The following SESN1 variants were observed in gnomAD, a reference collection of about 807,000 sequenced individuals.
The protein encoded by SESN1 is sestrin-1.
Under a neutral mutation model 59.3 loss-of-function variants are expected in SESN1, and 30 were observed. That is an observed-to-expected ratio of 0.51 (90% CI 0.38 to 0.69). SESN1 has a LOEUF of 0.69. Ranked by LOEUF, SESN1 falls within the 30% of genes least tolerant of loss-of-function variation. SESN1 has a pLI of 0.00. For missense variants in SESN1, 566 were observed against 673.0 expected (o/e 0.84, Z 1.76); for synonymous variants, 197 against 219.9 (o/e 0.90, Z 0.92).
chr6:109,054,099 C>T (rs1780590553), intron 1 of SESN1, among the ~76,000 whole-genome samples: 1 of 151,750 alleles, frequency 6.6e-6, no homozygotes. Flanking sequence ...GGGGAGGGAT[C>T]TGGGAAAAAT....
In SESN1 at chr6:109,029,124, T is replaced by C. The variant is rs1413661625; in HGVS notation, c.280-26781A>G. Reference sequence around the variant, plus strand: ...AAGGAAATTATTTACTGTGGAAGATTTGCAATAATGTAAGCAGTAAATGGA... The same window carrying C: ...AAGGAAATTATTTACTGTGGAAGATCTGCAATAATGTAAGCAGTAAATGGA... On this transcript the variant is annotated intron_variant, in intron 1 of 9. Coordinates refer to ENST00000436639, the MANE Select transcript of SESN1 (RefSeq NM_014454.3). 2.0e-5 allele frequency among the ~76,000 whole-genome samples: 3 copies of C among 152,190 alleles called. No individual in the cohort carries two copies. The East Asian group carries it at 5.8e-4, about 29-fold the overall frequency.
chr6:109,070,807 G>T (rs189570930), intron 1 of SESN1, among the ~76,000 whole-genome samples: 14 of 152,138 alleles, frequency 9.2e-5, no homozygotes, highest in Non-Finnish European at 2.1e-4. Flanking sequence ...AACCATTTGG[G>T]GATTCAAGTC....
intron 1 of SESN1, among the ~76,000 whole-genome samples, chr6:109,073,173 A>C (rs1439730971): frequency 1.3e-5 from 2 of 152,088 alleles, no homozygotes; most frequent in African/African-American, 4.8e-5. Flanking sequence ...CCTCCTATTA[A>C]ATGGGTGAAT....
intron 8 of SESN1, among the ~76,000 whole-genome samples, chr6:108,990,073 A>G (rs942090513): frequency 6.6e-6 from 1 of 152,240 alleles, no homozygotes; most frequent in African/African-American, 2.4e-5. Context: ...CAGCAAAAAT[A>G]GTTAACTAGT....
At chr6:109,072,637 A>G (rs1780957887) in intron 1 of SESN1, among the ~76,000 whole-genome samples, 1 of 152,224 alleles carries the variant, frequency 6.6e-6, no homozygotes, top group African/African-American at 2.4e-5. Flanking sequence ...CAATGGAGAG[A>G]GCAGGCAAGT....
Position 108,990,744 on chromosome 6 carries a change from TA to T in SESN1, c.1324del (p.Tyr442ThrfsTer33). On this transcript the variant is annotated frameshift_variant, in exon 8 of 10. Transcript: ENST00000436639. LOFTEE classifies it high-confidence loss of function. ...TGCCATTGTATTATAAGTAAGATTG[TA>T]AGCAATGTGAAATTTTTCATCAATC... ...QLIDEKFHIA[Y>X]NLTYNTMAMH... 6.2e-7 allele frequency: 1 copy of T among 1,614,090 alleles called. No individual in the cohort carries two copies. The highest frequency in any genetic ancestry group is 8.5e-7 in the Non-Finnish European group (1 of 1,179,972).
chr6:109,086,102 C>T (rs964287137), intron 1 of SESN1, among the ~76,000 whole-genome samples: 28 of 152,180 alleles, frequency 1.8e-4, no homozygotes, highest in African/African-American at 6.5e-4. Flanking sequence ...CTCACACCTG[C>T]AATCCCAGCA....
At chr6:109,031,793 A>G (rs1203060136) in intron 1 of SESN1, among the ~76,000 whole-genome samples, 1 of 152,178 alleles carries the variant, frequency 6.6e-6, no homozygotes, top group Non-Finnish European at 1.5e-5. Context: ...AAACAGATTT[A>G]GGGATTAACT....
rs1417085985 is a variant in SESN1, at chr6:108,985,447, T to C, written c.*2097A>G. On this transcript the variant is annotated 3_prime_UTR_variant, in exon 10 of 10. Transcript: ENST00000436639. ...GAAACTACTGGTTTCAAAGATTATA[T>C]AGTAACATTAGAAATCCTGTGTGTT... 1.3e-5 allele frequency among the ~76,000 whole-genome samples: 2 copies of C among 152,230 alleles called. No individual in the cohort carries two copies. Among genetic ancestry groups the C allele is most frequent in the Admixed American group, 1.3e-4 (2 of 15,270 alleles).
intron 1 of SESN1, among the ~76,000 whole-genome samples, chr6:109,032,375 T>G (rs1308893629): frequency 6.6e-6 from 1 of 152,090 alleles, no homozygotes; most frequent in Non-Finnish European, 1.5e-5. Context: ...TCCCAGCACT[T>G]TGGGAGGCCG....
At chr6:109,024,502 G>C (rs866615996) in intron 1 of SESN1, among the ~76,000 whole-genome samples, 1 of 152,144 alleles carries the variant, frequency 6.6e-6, no homozygotes, top group Non-Finnish European at 1.5e-5. Flanking sequence ...AACTGACCTC[G>C]ATATTAGTGC....
At chr6:109,039,046 G>A (rs201778556) in intron 1 of SESN1, among the ~76,000 whole-genome samples, 274 of 149,004 alleles carry the variant, frequency 1.8e-3, no homozygotes, top group South Asian at 4.7e-3. Flanking sequence ...AGAAGAAGGA[G>A]GGAGAAGGAG....
intron 1 of SESN1, among the ~76,000 whole-genome samples, chr6:109,077,107 G>C (rs1221751973): frequency 1.3e-5 from 2 of 152,144 alleles, no homozygotes; most frequent in Non-Finnish European, 2.9e-5. Context: ...AAAAAGTACA[G>C]TAAAAATATA....
chr6:108,987,674 T>C (rs779649891), intron 9 of SESN1, 44 bp from the exon 10 acceptor site: 1 of 1,070,682 alleles, frequency 9.3e-7, no homozygotes, highest in Non-Finnish European at 1.4e-6. Flanking sequence ...GTTACAAGCA[T>C]TCACAATCAG....
rs185823410 is a variant in SESN1 at position 109,011,611 on chromosome 6, T to G, written c.280-9268A>C. Among the ~76,000 whole-genome samples, 1,385 of 151,510 alleles carry G rather than the reference T, an allele frequency of 9.1e-3. 14 individuals carry two copies. Among genetic ancestry groups the G allele is most frequent in the Non-Finnish European group, 0.013 (860 of 67,914 alleles). On this transcript the variant is annotated intron_variant, in intron 1 of 9. Coordinates refer to ENST00000436639, the MANE Select transcript of SESN1 (RefSeq NM_014454.3). ...TACAGTAACCAAGAGTTCCAACAAA[T>G]GTATTTTTAAAATTTTTTTTCTTTT...
intron 1 of SESN1, among the ~76,000 whole-genome samples, chr6:109,011,710 C>A (rs1185612083): frequency 6.6e-6 from 1 of 151,312 alleles, no homozygotes; most frequent in Non-Finnish European, 1.5e-5. Context: ...TTCACTGCAG[C>A]CTTGACCTCC....
intron 7 of SESN1, among the ~76,000 whole-genome samples, chr6:108,991,227 G>A (rs1316502846): frequency 7.1e-6 from 1 of 141,528 alleles, no homozygotes; most frequent in Admixed American, 6.8e-5. Context: ...TTCAAATTAT[G>A]AGTGTGTGTG....
chr6:109,079,832 C>A (rs553661902), intron 1 of SESN1, among the ~76,000 whole-genome samples: 1 of 152,072 alleles, frequency 6.6e-6, no homozygotes, highest in Admixed American at 6.6e-5. Flanking sequence ...TCCATAATAA[C>A]TGAATAAAAG....
At chr6:109,006,624 G>C (rs1779738816) in intron 1 of SESN1, among the ~76,000 whole-genome samples, 1 of 152,002 alleles carries the variant, frequency 6.6e-6, no homozygotes, top group South Asian at 2.1e-4. Context: ...TTATTCTTTT[G>C]AGCCTCTTTA....
Sources: gnomAD v4.1 joint callset for allele counts (sites outside exome capture counted in the v4.1 genomes callset) on GRCh38, gnomAD v4.1.1 for gene constraint, MANE v1.5 for transcripts, NCBI Gene and HGNC (gene_info 2026-07-23, HGNC 2026-07-21) for gene names.